The following SRD5A1 variants were observed in gnomAD, a reference collection of about 807,000 sequenced individuals.
The protein encoded by SRD5A1 is 3-oxo-5-alpha-steroid 4-dehydrogenase 1.
SRD5A1 carries 22 observed loss-of-function variants against 28.2 expected under a neutral mutation model. That is an observed-to-expected ratio of 0.78 (90% confidence interval 0.56 to 1.12). The LOEUF is 1.12. Among genes scored for constraint, SRD5A1 ranks in the 50% most tolerant of loss-of-function variants. SRD5A1 has a pLI of 0.00. For missense variants in SRD5A1, 300 were observed against 346.7 expected (o/e 0.87, Z 1.07); for synonymous variants, 151 against 135.0 (o/e 1.12, Z -0.82).
At chr5:6,651,030 T>C (rs1455264098) in intron 1 of SRD5A1, among the ~76,000 whole-genome samples, 2 of 152,072 alleles carry the variant, frequency 1.3e-5, no homozygotes, top group African/African-American at 4.8e-5. Context: ...CTTAATTTTA[T>C]CCTCTATCAA....
intron 1 of SRD5A1, among the ~76,000 whole-genome samples, chr5:6,637,127 C>T (rs969893101): frequency 5.9e-5 from 9 of 152,242 alleles, no homozygotes; most frequent in African/African-American, 1.9e-4. Flanking sequence ...CACTGGGGCC[C>T]TAGTCATGTA....
At chr5:6,663,085 T>G (rs1739059718) in intron 4 of SRD5A1, 119 bp downstream of exon 4, 12 of 1,316,300 alleles carry the variant, frequency 9.1e-6, no homozygotes, top group Non-Finnish European at 1.2e-5. Context: ...TATTCTGTGC[T>G]TTGGCCAAAC....
intron 1 of SRD5A1, among the ~76,000 whole-genome samples, chr5:6,634,183 C>T (rs1464615106): frequency 2.6e-5 from 4 of 152,192 alleles, no homozygotes; most frequent in African/African-American, 9.6e-5. Context: ...TTTCCTTAGC[C>T]GGGCGCGGTG....
chr5:6,645,571 G>A (rs910340268), intron 1 of SRD5A1, among the ~76,000 whole-genome samples: 2 of 151,776 alleles, frequency 1.3e-5, no homozygotes, highest in Non-Finnish European at 2.9e-5. Context: ...CCCGGGAGGC[G>A]GAGGTTGCGG....
intron 4 of SRD5A1, among the ~76,000 whole-genome samples, chr5:6,665,535 C>T (rs905176347): frequency 2.6e-5 from 4 of 152,222 alleles, no homozygotes; most frequent in African/African-American, 9.7e-5. Flanking sequence ...TACAATCTGA[C>T]TTCCTCCCCT....
intron 1 of SRD5A1, 132 bp downstream of exon 1, chr5:6,634,001 G>C: frequency 1.0e-6 from 1 of 988,410 alleles, no homozygotes; most frequent in Non-Finnish European, 1.5e-6. Context: ...AGATCCCCCG[G>C]GGCGTCCCCC....
intron 2 of SRD5A1, among the ~76,000 whole-genome samples, chr5:6,654,411 T>C (rs1190888349): frequency 2.0e-5 from 3 of 149,906 alleles, no homozygotes; most frequent in African/African-American, 5.0e-5. Context: ...TAAAATATTT[T>C]ATAGAAAGAT....
At chr5:6,660,457 G>A (rs1738968093) in intron 3 of SRD5A1, among the ~76,000 whole-genome samples, 1 of 152,176 alleles carries the variant, frequency 6.6e-6, no homozygotes, top group South Asian at 2.1e-4. Context: ...TCCACGTCTG[G>A]GATTCACCTG....
At chr5:6,662,169 G>T (rs964496147) in intron 3 of SRD5A1, among the ~76,000 whole-genome samples, 3 of 152,204 alleles carry the variant, frequency 2.0e-5, no homozygotes, top group African/African-American at 4.8e-5. Context: ...TCACCTGCAA[G>T]CCTTGAATCG....
intron 2 of SRD5A1, among the ~76,000 whole-genome samples, chr5:6,654,526 C>G (rs1430275124): frequency 6.6e-6 from 1 of 152,176 alleles, no homozygotes; most frequent in Non-Finnish European, 1.5e-5. Context: ...GTGTGCCTCC[C>G]AGGCTCAAGC....
Position 6,633,478 on chromosome 5 carries a change from C to A in SRD5A1, c.-99C>A. ...TCCCGGCAGTGCGGGACTCCGGTAG[C>A]CGCCCCTCCGGTAGCCGCCCCTCCT... On this transcript the variant is annotated 5_prime_UTR_variant, in exon 1 of 5. Coordinates refer to ENST00000274192, the MANE Select transcript of SRD5A1 (RefSeq NM_001047.4). The A allele has an allele frequency of 1.5e-6, 2 of 1,306,682 alleles. No homozygotes were observed. The highest frequency in any genetic ancestry group is 2.0e-6 in the Non-Finnish European group (2 of 1,007,556). The allele number at this position is 1,306,682 out of a possible 1,614,324, so 80.9% of individuals were successfully genotyped here.
intron 2 of SRD5A1, among the ~76,000 whole-genome samples, chr5:6,654,832 G>T (rs1738788233): frequency 6.6e-6 from 1 of 152,200 alleles, no homozygotes; most frequent in African/African-American, 2.4e-5. Context: ...TTGTCTCCTG[G>T]AAGAAACATA....
Position 6,655,988 on chromosome 5 carries a change from G to T in SRD5A1, c.461-90G>T, listed in dbSNP as rs1052337708. On this transcript the variant is annotated intron_variant, in intron 2 of 4. Coordinates refer to ENST00000274192, the MANE Select transcript of SRD5A1 (RefSeq NM_001047.4). ...TACACTAACAATGGTAATCTGAAGG[G>T]TTGCAATAATACTGTTCAGTCAGGC... 1.3e-5 allele frequency: 12 copies of T among 896,338 alleles called. No homozygotes were observed. In the Middle Eastern group the frequency reaches 1.2e-3, roughly 89 times the overall value. 55.5% of individuals were successfully genotyped at this position (896,338 alleles called of 1,614,324 possible).
At chr5:6,656,501 T>C (rs1738839918) in intron 3 of SRD5A1, among the ~76,000 whole-genome samples, 1 of 152,212 alleles carries the variant, frequency 6.6e-6, no homozygotes, top group South Asian at 2.1e-4. Context: ...GAATAGATAC[T>C]TTGACCCTCC....
At position 6,658,516 on chromosome 5, in the gene SRD5A1, C is replaced by T. The variant is rs117827635; in HGVS notation, c.562+2337C>T. ...GCTAGTAATCAACCCAGCTTCCTGA[C>T]GGCCTGTGGCCATCAATGGCATCTC... On this transcript the variant is annotated intron_variant, in intron 3 of 4. Coordinates refer to ENST00000274192, the MANE Select transcript of SRD5A1 (RefSeq NM_001047.4). 1.5e-3 allele frequency among the ~76,000 whole-genome samples: 222 copies of T among 152,286 alleles called. 4 individuals are homozygous for T. The East Asian group carries it at 0.039, about 27-fold the overall frequency.
At position 6,662,963 on chromosome 5, in the gene SRD5A1, A is replaced by T; in HGVS notation, c.710A>T (p.His237Leu). The T allele has an allele frequency of 6.2e-7, 1 of 1,614,170 alleles. No homozygotes were observed. Among genetic ancestry groups the T allele is most frequent in the Non-Finnish European group, 8.5e-7 (1 of 1,180,006 alleles). Residue 237 changes from histidine (H) to leucine (L), a missense_variant, in exon 4 of 5, where the codon CAT (histidine) becomes CTT (leucine). Coordinates refer to ENST00000274192, the MANE Select transcript of SRD5A1 (RefSeq NM_001047.4). The stretch of plus-strand genomic sequence containing the variant: ...TTATCTGGTAGAGCAAAAGAGCATC[A>T]TGAGTAAGTTTTAAAACACTTTTAC... ...CFLSGRAKEH[H>L]EWYLRKFEEY... is the part of the protein sequence containing the mutation.
chr5:6,654,677 C>T (rs1738784814), intron 2 of SRD5A1, among the ~76,000 whole-genome samples: 1 of 152,170 alleles, frequency 6.6e-6, no homozygotes, highest in Admixed American at 6.5e-5. Context: ...AAGTGATCCA[C>T]CCACCTTGGC....
intron 1 of SRD5A1, among the ~76,000 whole-genome samples, chr5:6,637,024 G>T (rs1738203599): frequency 6.6e-6 from 1 of 152,226 alleles, no homozygotes; most frequent in South Asian, 2.1e-4. Context: ...AGGGCTCACG[G>T]TAGCGACAAG....
chr5:6,651,857 A>C lies in SRD5A1; in HGVS notation c.309A>C (p.Pro103=). The C allele has an allele frequency of 1.2e-6, 2 of 1,608,834 alleles. No homozygotes were observed. Among genetic ancestry groups the C allele is most frequent in the South Asian group, 2.2e-5 (2 of 90,592 alleles). Residue 103 remains proline, a synonymous_variant, in exon 2 of 5, where the codon CCA becomes CCC. Transcript: ENST00000274192. ...VHYGHRCLIY[P]FLMRGGKPMP... ...GTTTCCTAAGGTGCTTAATTTACCC[A>C]TTTCTGATGCGAGGAGGAAAGCCTA... is the stretch of plus-strand genomic sequence containing the variant.
Sources: allele counts gnomAD v4.1 joint callset (sites outside exome capture counted in the v4.1 genomes callset), GRCh38; gene constraint gnomAD v4.1.1; transcripts MANE v1.5; gene names NCBI Gene and HGNC (gene_info 2026-07-23, HGNC 2026-07-21).